The following DYRK1A variants were observed in gnomAD, a reference collection of about 807,000 sequenced individuals.
DYRK1A encodes dual specificity tyrosine-phosphorylation-regulated kinase 1A.
Under a neutral mutation model 79.7 loss-of-function variants are expected in DYRK1A, and 9 were observed. The observed-to-expected ratio is 0.11, with a 90% CI of 0.07 to 0.20. The LOEUF is 0.20. Among genes scored for constraint, DYRK1A ranks in the 10% least tolerant of loss-of-function variants. The pLI is 1.00. For synonymous variants in DYRK1A, 349 were observed against 329.7 expected, an observed-to-expected ratio of 1.06 and a Z score of -0.63; for missense variants, 622 against 956.0, an observed-to-expected ratio of 0.65 and a Z score of 4.61.
intron 9 of DYRK1A, among the ~76,000 whole-genome samples, chr21:37,500,536 G>C (rs2053410625): frequency 6.6e-6 from 1 of 152,034 alleles, no homozygotes; most frequent in Non-Finnish European, 1.5e-5. Context: ...GTATATGATT[G>C]GTTGGCATTA....
Position 37,512,153 on chromosome 21 carries a change from T to C in DYRK1A, c.1887T>C (p.Asn629=). The C allele has an allele frequency of 6.2e-7, 1 of 1,614,194 alleles. No individual in the cohort carries two copies. Among genetic ancestry groups the C allele is most frequent in the African/African-American group, 1.3e-5 (1 of 75,044 alleles). Residue 629 remains asparagine, a synonymous_variant, in exon 12 of 12, where the codon AAT becomes AAC. Transcript: ENST00000647188. ...TRPRVYNSPT[N]SSSTQDSMEV... is the part of the protein sequence containing the mutation. ...CAAGGGTCTACAATTCTCCAACGAATAGCTCCTCTACCCAAGATTCTATGG... is the reference window on the plus strand; with the variant it reads ...CAAGGGTCTACAATTCTCCAACGAACAGCTCCTCTACCCAAGATTCTATGG...
intron 4 of DYRK1A, among the ~76,000 whole-genome samples, chr21:37,479,552 ATTTTT>A (rs537740777): frequency 2.8e-5 from 2 of 71,240 alleles, no homozygotes; most frequent in African/African-American, 8.1e-5. Flanking sequence ...TTCATCTAGT[ATTTTT>A]TTTTTTTACT....
At chr21:37,458,272 G>C (rs2051721542) in intron 2 of DYRK1A, among the ~76,000 whole-genome samples, 1 of 142,768 alleles carries the variant, frequency 7.0e-6, no homozygotes, top group African/African-American at 2.6e-5. Flanking sequence ...AATTTACTGT[G>C]TGTGTGTGTG....
intron 9 of DYRK1A, among the ~76,000 whole-genome samples, chr21:37,496,727 ATATTAACTGACT>A (rs1000473177): frequency 6.6e-6 from 1 of 152,062 alleles, no homozygotes; most frequent in Non-Finnish European, 1.5e-5. Flanking sequence ...TTTTCCAAGG[ATATTAACTGACT>A]AGATGGTCCT....
Position 37,518,172 on chromosome 21 carries a change from TCTGTAAAGATTTAAAG to T in DYRK1A, c.*5643_*5658del, listed in dbSNP as rs2053899744. ...AATAGGCTGGGCGTGGTGGCTCACG[TCTGTAAAGATTTAAAG>T]CGGAAAAGCGGAATGCAGTGAAATA... On this transcript the variant is annotated 3_prime_UTR_variant, in exon 12 of 12. Transcript: ENST00000647188. 6.6e-6 allele frequency: 1 copy of T among 152,188 alleles called. No homozygotes were observed. Among genetic ancestry groups the T allele is most frequent in the South Asian group, 2.1e-4 (1 of 4,828 alleles). 9.4% of individuals were successfully genotyped at this position (152,188 alleles called of 1,614,324 possible).
chr21:37,404,918 G>T (rs1376979388), intron 1 of DYRK1A, among the ~76,000 whole-genome samples: 1 of 152,224 alleles, frequency 6.6e-6, no homozygotes, highest in African/African-American at 2.4e-5. Context: ...GTGGGATTGT[G>T]TAGTGGAATG....
In DYRK1A at chr21:37,517,342, G is replaced by A. The variant is rs1481592020; in HGVS notation, c.*4811G>A. ...GATGCTGGCATGGGTGTGGTTGGCC[G>A]AGTTCTCATAGCTAGAGAAAGGCCG... On this transcript the variant is annotated 3_prime_UTR_variant, in exon 12 of 12. Coordinates refer to ENST00000647188, the MANE Select transcript of DYRK1A (RefSeq NM_001347721.2). 1 of 152,234 alleles carries A rather than the reference G, an allele frequency of 6.6e-6. No homozygotes were observed. Among genetic ancestry groups the A allele is most frequent in the Non-Finnish European group, 1.5e-5 (1 of 68,074 alleles). The allele number at this position is 152,234 out of a possible 1,614,324, so 9.4% of individuals were successfully genotyped here.
chr21:37,465,198 A>T, intron 2 of DYRK1A, among the ~76,000 whole-genome samples: 1 of 152,232 alleles, frequency 6.6e-6, no homozygotes, highest in East Asian at 1.9e-4. Flanking sequence ...GATAGGTGTT[A>T]TAATACATAG....
intron 2 of DYRK1A, among the ~76,000 whole-genome samples, chr21:37,440,592 T>G (rs2051073511): frequency 6.6e-6 from 1 of 152,238 alleles, no homozygotes. Context: ...TTTTCATTCT[T>G]TTCAGAATGC....
intron 1 of DYRK1A, among the ~76,000 whole-genome samples, chr21:37,380,397 ATT>A: frequency 6.8e-6 from 1 of 146,932 alleles, no homozygotes; most frequent in African/African-American, 2.5e-5. Context: ...TTACAGTTTA[ATT>A]TTTTTTTTTT....
intron 11 of DYRK1A, among the ~76,000 whole-genome samples, chr21:37,511,355 CAAG>C (rs945073971): frequency 4.4e-4 from 67 of 152,250 alleles, no homozygotes; most frequent in African/African-American, 1.5e-3. Flanking sequence ...AGGATGGAAA[CAAG>C]GAGTTCATTT....
intron 1 of DYRK1A, among the ~76,000 whole-genome samples, chr21:37,374,612 G>T (rs918874755): frequency 4.6e-5 from 7 of 151,962 alleles, no homozygotes; most frequent in Admixed American, 3.9e-4. Flanking sequence ...GAGTACAGTG[G>T]TGCGATCTCG....
intron 1 of DYRK1A, among the ~76,000 whole-genome samples, chr21:37,398,130 G>T (rs2049990395): frequency 6.8e-6 from 1 of 147,044 alleles, no homozygotes; most frequent in Admixed American, 6.8e-5. Flanking sequence ...ATTTATATAT[G>T]TGTATATATA....
chr21:37,391,261 G>C (rs2049864990), intron 1 of DYRK1A, among the ~76,000 whole-genome samples: 1 of 152,268 alleles, frequency 6.6e-6, no homozygotes, highest in South Asian at 2.1e-4. Flanking sequence ...CATGTCCTGA[G>C]CCTCCTGTTC....
chr21:37,494,816 T>TG (rs1955839141), intron 8 of DYRK1A, among the ~76,000 whole-genome samples: 1 of 151,838 alleles, frequency 6.6e-6, no homozygotes, highest in Non-Finnish European at 1.5e-5. Context: ...AGTGTGGTGT[T>TG]GCGTGCCTGT....
At chr21:37,445,471 C>T (rs1041659018) in intron 2 of DYRK1A, among the ~76,000 whole-genome samples, 24 of 152,136 alleles carry the variant, frequency 1.6e-4, no homozygotes, top group Admixed American at 1.5e-3. Context: ...AGAGTCCCTG[C>T]TTTTGTGGAG....
At chr21:37,398,163 T>TAC (rs1481965208) in intron 1 of DYRK1A, among the ~76,000 whole-genome samples, 13 of 149,202 alleles carry the variant, frequency 8.7e-5, no homozygotes, top group Admixed American at 2.0e-4. Flanking sequence ...CCCTGCAGTG[T>TAC]ACACACACAC....
At chr21:37,393,204 C>G (rs1007803969) in intron 1 of DYRK1A, among the ~76,000 whole-genome samples, 2 of 151,964 alleles carry the variant, frequency 1.3e-5, no homozygotes, top group African/African-American at 4.8e-5. Context: ...TGTGTAGTCT[C>G]AGTAAGTGAG....
At chr21:37,432,416 T>A (rs756908531) in intron 2 of DYRK1A, among the ~76,000 whole-genome samples, 1 of 152,164 alleles carries the variant, frequency 6.6e-6, no homozygotes, top group African/African-American at 2.4e-5. Flanking sequence ...AATAGAAATA[T>A]CTACTTGGCT....
Sources: allele counts gnomAD v4.1 joint callset (sites outside exome capture counted in the v4.1 genomes callset), GRCh38; gene constraint gnomAD v4.1.1; transcripts MANE v1.5; gene names NCBI Gene and HGNC (gene_info 2026-07-23, HGNC 2026-07-21).